The following DNAJC1 variants were observed in gnomAD, a reference collection of about 807,000 sequenced individuals.
DNAJC1 encodes the protein DnaJ heat shock protein family (Hsp40) member C1.
In DNAJC1, 58 loss-of-function variants were observed where a neutral mutation model predicts 76.6. That is an observed-to-expected ratio of 0.76 (90% CI 0.61 to 0.94). The LOEUF (loss-of-function observed/expected upper bound fraction) is 0.94. Ranked by LOEUF, DNAJC1 falls within the 40% of genes least tolerant of loss-of-function variation. The probability of loss-of-function intolerance (pLI) is 0.00; values close to 1 mark genes in which losing one functional copy is unlikely to be tolerated. For synonymous variants in DNAJC1, 258 were observed against 267.9 expected, an observed-to-expected ratio of 0.96 and a Z score of 0.36; for missense variants, 689 against 677.3, an observed-to-expected ratio of 1.02 and a Z score of -0.19.
intron 8 of DNAJC1, among the ~76,000 whole-genome samples, chr10:21,867,540 T>G (rs1836022004): frequency 6.6e-6 from 1 of 151,938 alleles, no homozygotes; most frequent in Non-Finnish European, 1.5e-5. Flanking sequence ...AATAGAAAAT[T>G]TCAGGCAGCA....
rs114888679 is a variant in DNAJC1, at chr10:21,842,363, G to A, written c.979-36264C>T. ...AATAAGAGATTGGACTAGGATGGTAGCACTGAGGGATTTCCAAGGAAGAGA... is the reference window on the plus strand; with the variant it reads ...AATAAGAGATTGGACTAGGATGGTAACACTGAGGGATTTCCAAGGAAGAGA... On this transcript the variant is annotated intron_variant, in intron 8 of 11. Coordinates refer to ENST00000376980, the MANE Select transcript of DNAJC1 (RefSeq NM_022365.4). Among the ~76,000 whole-genome samples the A allele has an allele frequency of 5.6e-3, 855 of 152,252 alleles. 6 individuals are homozygous for A. The highest frequency in any genetic ancestry group is 0.019 in the African/African-American group (797 of 41,552).
At chr10:21,841,801 T>G (rs1037406827) in intron 8 of DNAJC1, among the ~76,000 whole-genome samples, 1 of 151,806 alleles carries the variant, frequency 6.6e-6, no homozygotes, top group African/African-American at 2.4e-5. Context: ...GACACACGTA[T>G]GTTTATAGCG....
intron 8 of DNAJC1, among the ~76,000 whole-genome samples, chr10:21,873,025 T>C (rs932756363): frequency 1.3e-5 from 2 of 152,118 alleles, no homozygotes; most frequent in South Asian, 2.1e-4. Context: ...TGCCAGACAT[T>C]GTATGGAAAA....
At position 21,907,310 on chromosome 10, in the gene DNAJC1, G is replaced by T. The variant is rs144188943; in HGVS notation, c.730-2698C>A. Among the ~76,000 whole-genome samples, 1,374 of 141,128 alleles carry T rather than the reference G, an allele frequency of 9.7e-3. 29 individuals carry two copies. Among genetic ancestry groups the T allele is most frequent in the African/African-American group, 0.034 (1,311 of 38,700 alleles). 92.6% of individuals were successfully genotyped at this position (141,128 alleles called of 152,430 possible). On this transcript the variant is annotated intron_variant, in intron 6 of 11. Coordinates refer to ENST00000376980, the MANE Select transcript of DNAJC1 (RefSeq NM_022365.4). ...AAGCATTTATTTAAACATTCCTCAT[G>T]TTTTTTTTTTTTCATATCTTACCTA...
chr10:21,776,247 T>C (rs889696558), intron 9 of DNAJC1, among the ~76,000 whole-genome samples: 6 of 152,166 alleles, frequency 3.9e-5, no homozygotes, highest in Non-Finnish European at 7.4e-5. Flanking sequence ...TGGTTACATA[T>C]TTCTGTTCAA....
intron 1 of DNAJC1, among the ~76,000 whole-genome samples, chr10:21,957,338 T>G (rs2131814042): frequency 6.6e-6 from 1 of 152,360 alleles, no homozygotes; most frequent in South Asian, 2.1e-4. Flanking sequence ...ATTAATACTT[T>G]CATTGTCATC....
intron 7 of DNAJC1, among the ~76,000 whole-genome samples, chr10:21,895,985 G>A (rs2036733597): frequency 6.6e-6 from 1 of 152,164 alleles, no homozygotes; most frequent in Non-Finnish European, 1.5e-5. Context: ...AGTAAACCTT[G>A]GTGGCATCCA....
chr10:21,768,726 T>C (rs1242244685), intron 9 of DNAJC1, among the ~76,000 whole-genome samples: 3 of 152,314 alleles, frequency 2.0e-5, no homozygotes, highest in African/African-American at 7.2e-5. Context: ...ACTGAAGTTA[T>C]CCAACATGAG....
rs746061760 is a variant in DNAJC1, at chr10:21,794,284, AAGAG to A, written c.1098+11692_1098+11695del. Among the ~76,000 whole-genome samples the A allele has an allele frequency of 2.6e-3, 394 of 149,360 alleles. 1 individual carries two copies. Among genetic ancestry groups the A allele is most frequent in the East Asian group, 5.8e-3 (30 of 5,146 alleles). On this transcript the variant is annotated intron_variant, in intron 9 of 11. Coordinates refer to ENST00000376980, the MANE Select transcript of DNAJC1 (RefSeq NM_022365.4). ...CTATCTTCAAAAAAAAAAAAAAAAA[AAGAG>A]AGAGAGAGAGAGAAAAGAAAATGGT... is the stretch of plus-strand genomic sequence containing the variant.
chr10:21,798,890 C>T (rs1213882371), intron 9 of DNAJC1, among the ~76,000 whole-genome samples: 1 of 152,106 alleles, frequency 6.6e-6, no homozygotes, highest in African/African-American at 2.4e-5. Context: ...CTCATATGAA[C>T]ACACATTACT....
At position 21,944,182 on chromosome 10, in the gene DNAJC1, T is replaced by C. The variant is rs1007002464; in HGVS notation, c.223-15041A>G. On this transcript the variant is annotated intron_variant, in intron 1 of 11. Coordinates refer to ENST00000376980, the MANE Select transcript of DNAJC1 (RefSeq NM_022365.4). ...TCATCACATAAAGGTTTTTTTTTTT[T>C]CATATTATCCTCCAATTTTAATAAG... 2.6e-5 allele frequency among the ~76,000 whole-genome samples: 4 copies of C among 151,516 alleles called. 1 individual carries two copies. The highest frequency in any genetic ancestry group is 5.9e-5 in the Non-Finnish European group (4 of 67,910).
intron 8 of DNAJC1, among the ~76,000 whole-genome samples, chr10:21,874,472 G>C (rs1836153406): frequency 6.6e-6 from 1 of 151,590 alleles, no homozygotes; most frequent in African/African-American, 2.4e-5. Flanking sequence ...ACAAAGTACT[G>C]CTATATGCTA....
intron 8 of DNAJC1, among the ~76,000 whole-genome samples, chr10:21,856,600 A>G (rs527900289): frequency 6.6e-6 from 1 of 152,240 alleles, no homozygotes; most frequent in African/African-American, 2.4e-5. Context: ...CCTCCTAAGA[A>G]CCAATTAAAA....
chr10:21,802,707 G>A (rs1341936402), intron 9 of DNAJC1, among the ~76,000 whole-genome samples: 1 of 152,104 alleles, frequency 6.6e-6, no homozygotes, highest in Non-Finnish European at 1.5e-5. Flanking sequence ...CAAGAGATTA[G>A]TGACCAGGGA....
intron 1 of DNAJC1, among the ~76,000 whole-genome samples, chr10:21,971,424 T>A (rs1393879765): frequency 6.6e-6 from 1 of 151,850 alleles, no homozygotes; most frequent in Non-Finnish European, 1.5e-5. Context: ...TTGTTATGTA[T>A]TTATAATGAC....
At chr10:21,975,406 T>C (rs902706463) in intron 1 of DNAJC1, among the ~76,000 whole-genome samples, 4 of 151,906 alleles carry the variant, frequency 2.6e-5, no homozygotes, top group Admixed American at 1.3e-4. Flanking sequence ...TATATAGCAA[T>C]AGCTGGGGGA....
At chr10:21,948,707 T>C (rs1287139669) in intron 1 of DNAJC1, among the ~76,000 whole-genome samples, 2 of 152,222 alleles carry the variant, frequency 1.3e-5, no homozygotes, top group Non-Finnish European at 1.5e-5. Flanking sequence ...TCATAAGATA[T>C]GAATATATAG....
At chr10:21,996,535 G>A (rs1266771899) in intron 1 of DNAJC1, among the ~76,000 whole-genome samples, 2 of 152,188 alleles carry the variant, frequency 1.3e-5, no homozygotes, top group Non-Finnish European at 2.9e-5. Flanking sequence ...CCCATATAAC[G>A]TTTTAGAATA....
At chr10:21,999,722 G>C (rs1292229018) in intron 1 of DNAJC1, among the ~76,000 whole-genome samples, 1 of 152,082 alleles carries the variant, frequency 6.6e-6, no homozygotes, top group Non-Finnish European at 1.5e-5. Flanking sequence ...CAAAGTGCTG[G>C]GATTACAGGC....
Sources: allele counts gnomAD v4.1 joint callset (sites outside exome capture counted in the v4.1 genomes callset), GRCh38; gene constraint gnomAD v4.1.1; transcripts MANE v1.5; gene names NCBI Gene and HGNC (gene_info 2026-07-23, HGNC 2026-07-21).